Variants in SGSM1 observed in about 807,000 individuals in gnomAD.
SGSM1 encodes the protein RUN and TBC1 domain containing 2.
A neutral mutation model predicts 133.8 loss-of-function variants in SGSM1; 73 were observed. That is an observed-to-expected ratio of 0.55 (90% confidence interval 0.45 to 0.66). The LOEUF is 0.66. Among genes scored for constraint, SGSM1 ranks in the 30% least tolerant of loss-of-function variants. The pLI, the probability that SGSM1 is intolerant of heterozygous loss-of-function variation, is 0.00. For synonymous variants in SGSM1, 563 were observed against 573.0 expected (o/e 0.98, Z 0.25); for missense variants, 1,213 against 1,448.1 (o/e 0.84, Z 2.64).
At chr22:24,855,248 CG>C in intron 6 of SGSM1, 36 bp from the exon 7 acceptor site, 1 of 1,589,802 alleles carries the variant, frequency 6.3e-7, no homozygotes, top group East Asian at 2.3e-5. Context: ...GAGGACTTTC[CG>C]GGGCAGTGGG....
At chr22:24,901,984 GGGGATGGGGATGGTGGGTGGGT>G in intron 20 of SGSM1, 27 bp downstream of exon 20, 7 of 1,530,600 alleles carry the variant, frequency 4.6e-6, no homozygotes, top group South Asian at 1.2e-5. Context: ...AGGGGATCTA[GGGGATGGGGATGGTGGGTGGGT>G]GGGATGGGGG....
intron 2 of SGSM1, among the ~76,000 whole-genome samples, chr22:24,806,872 A>AG (rs1927429590): frequency 1.3e-5 from 2 of 151,974 alleles, no homozygotes; most frequent in South Asian, 2.1e-4. Context: ...GTGCTGGAGG[A>AG]GGGGCTCTGA....
chr22:24,893,533 C>T lies in SGSM1; in HGVS notation c.1873C>T (p.Leu625=). The T allele has an allele frequency of 6.2e-7, 1 of 1,610,496 alleles. No individual in the cohort carries two copies. The highest frequency in any genetic ancestry group is 8.5e-7 in the Non-Finnish European group (1 of 1,178,452). ...QRERESHAAA[L]AKCSSGASLD... is the part of the protein sequence containing the mutation. ...GGAGCGGGAGTCCCATGCGGCCGCCCTGGCCAAATGCTCATCCGGGGCCAG... is the reference window on the plus strand; with the variant it reads ...GGAGCGGGAGTCCCATGCGGCCGCCTTGGCCAAATGCTCATCCGGGGCCAG... Residue 625 remains leucine (L), a synonymous_variant, in exon 17 of 25, where the codon CTG becomes TTG. Coordinates refer to ENST00000400358, the MANE Select transcript of SGSM1 (RefSeq NM_001098497.3).
At chr22:24,887,936 C>T (rs1267605656) in intron 16 of SGSM1, among the ~76,000 whole-genome samples, 1 of 152,172 alleles carries the variant, frequency 6.6e-6, no homozygotes, top group Non-Finnish European at 1.5e-5. Flanking sequence ...TTTGCATTTC[C>T]TAAACGGCTA....
chr22:24,912,498 G>A lies in SGSM1; in HGVS notation c.2819-145G>A, dbSNP rs1368170242. ...TCAAGACCATCCTGGCTAACACGGT[G>A]AAACCCCGTCTCTACTAAAAATACA... On this transcript the variant is annotated intron_variant, in intron 21 of 24. Transcript: ENST00000400358. The A allele has an allele frequency of 4.9e-5, 29 of 588,540 alleles. 1 individual carries two copies. Among genetic ancestry groups the A allele is most frequent in the Non-Finnish European group, 3.0e-6 (1 of 334,000 alleles). 36.5% of individuals were successfully genotyped at this position (588,540 alleles called of 1,614,324 possible).
chr22:24,876,901 G>C (rs1238570860), intron 13 of SGSM1, among the ~76,000 whole-genome samples, 186 bp downstream of exon 13: 2 of 152,186 alleles, frequency 1.3e-5, no homozygotes, highest in Admixed American at 6.5e-5. Context: ...GGATAAACAA[G>C]GTTATGCTGC....
rs200550123 is a variant in SGSM1 at position 24,868,515 on chromosome 22, G to T, written c.1134G>T (p.Pro378=). 6.2e-7 allele frequency: 1 copy of T among 1,613,884 alleles called. No individual in the cohort carries two copies. Among genetic ancestry groups the T allele is most frequent in the South Asian group, 1.1e-5 (1 of 91,070 alleles). The change falls in exon 11 of 25, where the codon CCG becomes CCT. Residue 378 remains proline, a synonymous_variant. Transcript: ENST00000400358. ...NGLLPHGQLD[P]PLWSQRGKGK... is the part of the protein sequence containing the mutation. Reference sequence around the variant, plus strand: ...TGCTCCCACATGGGCAGTTGGACCCGCCACTGTGGTCCCAGAGGGGTAAGG... The same window carrying T: ...TGCTCCCACATGGGCAGTTGGACCCTCCACTGTGGTCCCAGAGGGGTAAGG...
rs141512280 is a variant in SGSM1, at chr22:24,810,444, C to G, written c.63+3960C>G. Among the ~76,000 whole-genome samples the G allele has an allele frequency of 2.0e-3, 304 of 152,006 alleles. 2 individuals are homozygous for G. The highest frequency in any genetic ancestry group is 6.9e-3 in the African/African-American group (286 of 41,458). On this transcript the variant is annotated intron_variant, in intron 2 of 24. Coordinates refer to ENST00000400358, the MANE Select transcript of SGSM1 (RefSeq NM_001098497.3). ...TTAAATCTGACCAGCTCTATCTTGGCTCCTTCCTGGCTTCCTTTACCCTCC... is the reference window on the plus strand; with the variant it reads ...TTAAATCTGACCAGCTCTATCTTGGGTCCTTCCTGGCTTCCTTTACCCTCC...
intron 13 of SGSM1, among the ~76,000 whole-genome samples, chr22:24,879,215 A>G (rs907332610): frequency 1.3e-5 from 2 of 152,236 alleles, no homozygotes; most frequent in Non-Finnish European, 2.9e-5. Context: ...TGTAGTGGGC[A>G]GAGTCATCCA....
intron 14 of SGSM1, among the ~76,000 whole-genome samples, chr22:24,882,534 C>G (rs2123667304): frequency 6.6e-6 from 1 of 152,294 alleles, no homozygotes; most frequent in African/African-American, 2.4e-5. Context: ...TACGGTTCTT[C>G]TATAATAGCT....
intron 2 of SGSM1, among the ~76,000 whole-genome samples, chr22:24,821,105 C>A (rs982151918): frequency 6.6e-6 from 1 of 152,128 alleles, no homozygotes; most frequent in Non-Finnish European, 1.5e-5. Context: ...GGCGTGATCT[C>A]GACTCACTGC....
chr22:24,874,925 C>T lies in SGSM1; in HGVS notation c.1292-1652C>T, dbSNP rs183720147. Reference sequence around the variant, plus strand: ...GAACATTTTACAGGGGCTTACTGATCTTGGCTAGCTCATGGGTGAGTCTAC... The same window carrying T: ...GAACATTTTACAGGGGCTTACTGATTTTGGCTAGCTCATGGGTGAGTCTAC... On this transcript the variant is annotated intron_variant, in intron 12 of 24. Coordinates refer to ENST00000400358, the MANE Select transcript of SGSM1 (RefSeq NM_001098497.3). Among the ~76,000 whole-genome samples the T allele has an allele frequency of 4.5e-4, 68 of 152,334 alleles. 1 individual carries two copies. The Middle Eastern group carries it at 0.024, about 53-fold the overall frequency.
At chr22:24,820,681 C>T (rs1031144377) in intron 2 of SGSM1, among the ~76,000 whole-genome samples, 91 of 152,088 alleles carry the variant, frequency 6.0e-4, no homozygotes, top group Admixed American at 9.8e-4. Context: ...GGCGGGGGCA[C>T]GTCTGTCCTA....
At chr22:24,901,991 G>A in intron 20 of SGSM1, 34 bp downstream of exon 20, 1 of 1,443,552 alleles carries the variant, frequency 6.9e-7, no homozygotes, top group South Asian at 1.3e-5. Context: ...CTAGGGGATG[G>A]GGATGGTGGG....
At chr22:24,850,101 C>T (rs1930369024) in intron 4 of SGSM1, among the ~76,000 whole-genome samples, 179 bp from the exon 5 acceptor site, 1 of 152,190 alleles carries the variant, frequency 6.6e-6, no homozygotes, top group East Asian at 1.9e-4. Flanking sequence ...TCTGCACACT[C>T]ACTGGGTATT....
chr22:24,821,576 C>T (rs1030307917), intron 2 of SGSM1, among the ~76,000 whole-genome samples: 7 of 152,188 alleles, frequency 4.6e-5, no homozygotes, highest in African/African-American at 1.7e-4. Flanking sequence ...GACACCTTCT[C>T]TACAAAAGCT....
chr22:24,806,854 C>A (rs767264044), intron 2 of SGSM1, among the ~76,000 whole-genome samples: 4 of 151,980 alleles, frequency 2.6e-5, no homozygotes, highest in Admixed American at 6.5e-5. Context: ...GGACGCCCCC[C>A]ACAGGGTGTG....
At chr22:24,823,298 C>T (rs1260783230) in intron 2 of SGSM1, among the ~76,000 whole-genome samples, 3 of 15,858 alleles carry the variant, frequency 1.9e-4, no homozygotes, top group Non-Finnish European at 3.3e-4. Flanking sequence ...GAGCATGCAG[C>T]AAATGTTTTA....
At chr22:24,881,657 C>A (rs559956993) in intron 14 of SGSM1, among the ~76,000 whole-genome samples, 124 of 152,174 alleles carry the variant, frequency 8.1e-4, no homozygotes, top group Non-Finnish European at 1.5e-3. Context: ...TGCCATGCAG[C>A]GTGTGTTGTG....
Sources: allele counts gnomAD v4.1 joint callset (sites outside exome capture counted in the v4.1 genomes callset), GRCh38; gene constraint gnomAD v4.1.1; transcripts MANE v1.5; gene names NCBI Gene and HGNC (gene_info 2026-07-23, HGNC 2026-07-21).